TTN: variants seen among roughly 807,000 people sequenced by gnomAD.
TTN encodes the protein connectin.
Under a neutral mutation model 3,223.0 loss-of-function variants are expected in TTN, and 1,525 were observed. The ratio of observed to expected loss-of-function variants is 0.47; its 90% CI spans 0.45 to 0.49. The LOEUF (loss-of-function observed/expected upper bound fraction) is 0.49. Ranked by LOEUF, TTN falls within the 20% of genes least tolerant of loss-of-function variation. The pLI is 0.00. For synonymous variants in TTN, 14,094 were observed against 15,161.0 expected (o/e 0.93, Z 5.17); for missense variants, 40,786 against 43,424.0 (o/e 0.94, Z 5.40).
intron 47 of TTN, chr2:178,745,604 GC>G: frequency 6.2e-7 from 1 of 1,612,600 alleles, no homozygotes; most frequent in Non-Finnish European, 8.5e-7. Context: ...GGTGAGTGCT[GC>G]AAAGCTCTCA....
chr2:178,575,510 A>G lies in TTN; in HGVS notation c.70622T>C (p.Ile23541Thr). 1 of 1,613,616 alleles carries G rather than the reference A, an allele frequency of 6.2e-7. No homozygotes were observed. The highest frequency in any genetic ancestry group is 8.5e-7 in the Non-Finnish European group (1 of 1,179,674). The change falls in exon 326 of 363, where the codon ATC becomes ACC. Residue 23541 changes from isoleucine (I) to threonine (T), a missense_variant. By Grantham distance (89) the Ile-to-Thr change is moderately conservative. Transcript: ENST00000589042. This position sits in a 1 kb window ranked among gnomAD's most constrained non-coding sequence, Gnocchi z 4.0. ...EAPSPPDSLNIMDITKSTVSL... is the reference protein window; with the variant it reads ...EAPSPPDSLNTMDITKSTVSL... ...GACGGTGCTCTTAGTTATGTCCATGATGTTAAGGCTGTCTGGTGGAGATGG... is the reference window on the plus strand; with the variant it reads ...GACGGTGCTCTTAGTTATGTCCATGGTGTTAAGGCTGTCTGGTGGAGATGG...
Position 178,725,879 on chromosome 2 carries a change from G to A in TTN, c.20443C>T (p.His6815Tyr). 6.2e-7 allele frequency: 1 copy of A among 1,613,172 alleles called. No individual in the cohort carries two copies. Residue 6815 changes from histidine to tyrosine, a missense_variant, in exon 70 of 363, where the codon CAC becomes TAC. Coordinates refer to ENST00000589042, the MANE Select transcript of TTN (RefSeq NM_001267550.2). ...KKYKIASKNF[H>Y]TSIHILNVDT... is the part of the protein sequence containing the mutation. ...ACATTGAGAATGTGAATACTTGTGT[G>A]GAAGTTTTTGGATGCAATCTTGTAT...
chr2:178,715,483 G>A lies in TTN; in HGVS notation c.25921+10C>T, dbSNP rs10183237. ...AATGTGAAAAACACACAGGTGGGGAGAGCGCTGACCTTTAACTTTTAAGGA... is the reference window on the plus strand; with the variant it reads ...AATGTGAAAAACACACAGGTGGGGAAAGCGCTGACCTTTAACTTTTAAGGA... On this transcript the variant is annotated intron_variant, in intron 89 of 362. Transcript: ENST00000589042. 0.047 allele frequency: 75,385 copies of A among 1,604,038 alleles called. 3,868 individuals carry two copies. Among genetic ancestry groups the A allele is most frequent in the Admixed American group, 0.18 (10,491 of 59,526 alleles).
At position 178,599,751 on chromosome 2, in the gene TTN, G is replaced by A. The variant is rs794729460; in HGVS notation, c.56150C>T (p.Thr18717Ile). The A allele has an allele frequency of 1.9e-6, 3 of 1,612,674 alleles. No individual in the cohort carries two copies. Among genetic ancestry groups the A allele is most frequent in the African/African-American group, 2.7e-5 (2 of 74,956 alleles). ...KIKGVPFPTL[T>I]WFKAPPKKPD... ...CTTCTTTGGAGGAGCTTTAAACCAG[G>A]TTAGTGTCGGGAATGGCACACCTTT... Residue 18717 changes from threonine (T) to isoleucine (I), a missense_variant, in exon 289 of 363, where the codon ACC becomes ATC. By Grantham distance (89) the Thr-to-Ile change is moderately conservative. Coordinates refer to ENST00000589042, the MANE Select transcript of TTN (RefSeq NM_001267550.2).
At chr2:178,743,439 C>A (rs1050927087) in intron 47 of TTN, among the ~76,000 whole-genome samples, 1 of 151,864 alleles carries the variant, frequency 6.6e-6, no homozygotes, top group Non-Finnish European at 1.5e-5. Flanking sequence ...CCAAGGCTTA[C>A]TTTTCTTTAT....
intron 15 of TTN, 141 bp downstream of exon 15, chr2:178,785,479 G>T: frequency 2.4e-6 from 3 of 1,247,308 alleles, no homozygotes; most frequent in Non-Finnish European, 3.4e-6. Flanking sequence ...GGGTGTCTGG[G>T]CCCACTGTGA....
chr2:178,785,009 C>A (rs2093063321), intron 15 of TTN, among the ~76,000 whole-genome samples: 1 of 152,140 alleles, frequency 6.6e-6, no homozygotes, highest in African/African-American at 2.4e-5. Context: ...GGATTTATTA[C>A]ATGCTGACAA....
chr2:178,690,197 A>T (rs1020218225), intron 121 of TTN, among the ~76,000 whole-genome samples: 3 of 152,216 alleles, frequency 2.0e-5, no homozygotes, highest in African/African-American at 4.8e-5. Context: ...TGACACAAAC[A>T]ATCAAGAATG....
At chr2:178,624,788 T>A in intron 241 of TTN, 57 bp from the exon 242 acceptor site, 1 of 1,592,006 alleles carries the variant, frequency 6.3e-7, no homozygotes, top group Non-Finnish European at 8.5e-7. Context: ...AGAGTTTTGG[T>A]ACCTTCTCAA....
Position 178,731,324 on chromosome 2 carries a change from A to G in TTN, c.17442T>C (p.Ser5814=), listed in dbSNP as rs770532942. Residue 5814 remains serine, a synonymous_variant, in exon 59 of 363, where the codon TCT becomes TCC. Coordinates refer to ENST00000589042, the MANE Select transcript of TTN (RefSeq NM_001267550.2). ...AKNDAGIQRC[S]ALLSVKEPAT... ...ACCAACCTTTTACTGAGAGTAATGC[A>G]GAACATCTTTGTATTCCTGCATCAT... 32 of 1,613,702 alleles carry G rather than the reference A, an allele frequency of 2.0e-5. No individual in the cohort carries two copies. Among genetic ancestry groups the G allele is most frequent in the South Asian group, 1.9e-4 (17 of 91,078 alleles).
At chr2:178,727,554 A>T (rs780635567) in intron 68 of TTN, 31 bp downstream of exon 68, 1 of 1,534,066 alleles carries the variant, frequency 6.5e-7, no homozygotes, top group Admixed American at 2.1e-5. Context: ...ACACAGTCAG[A>T]CAGAAACATA....
Position 178,575,598 on chromosome 2 carries a change from C to T in TTN, c.70534G>A (p.Glu23512Lys), listed in dbSNP as rs752696466. ...GCEYFFRVMAENEYGIGEPTE... is the reference protein window; with the variant it reads ...GCEYFFRVMAKNEYGIGEPTE... ...GGCTCACCAATTCCATATTCATTCTCTGCCATCACTCTGAAGAAATATTCA... is the reference window on the plus strand; with the variant it reads ...GGCTCACCAATTCCATATTCATTCTTTGCCATCACTCTGAAGAAATATTCA... Residue 23512 changes from glutamate (E) to lysine (K), a missense_variant, in exon 326 of 363, where the codon GAG becomes AAG. Physicochemically the swap from Glu to Lys is moderately conservative, Grantham distance 56. Coordinates refer to ENST00000589042, the MANE Select transcript of TTN (RefSeq NM_001267550.2). The surrounding 1 kb of genome is among the most constrained non-coding windows in gnomAD (Gnocchi z 4.0). The T allele has an allele frequency of 6.2e-7, 1 of 1,613,678 alleles. No individual in the cohort carries two copies. Among genetic ancestry groups the T allele is most frequent in the South Asian group, 1.1e-5 (1 of 91,072 alleles).
At chr2:178,651,617 C>A (rs747408961) in intron 206 of TTN, 49 bp downstream of exon 206, 1 of 1,612,012 alleles carries the variant, frequency 6.2e-7, no homozygotes, top group East Asian at 2.2e-5. Context: ...TAGAATATGA[C>A]ACTTCAAAGA....
At chr2:178,642,215 G>T in intron 219 of TTN, 22 bp downstream of exon 219, 1 of 1,556,388 alleles carries the variant, frequency 6.4e-7, no homozygotes, top group Non-Finnish European at 8.7e-7. Flanking sequence ...AACGCTGACA[G>T]AATGGTTGAA....
Position 178,535,052 on chromosome 2 carries a change from T to C in TTN, c.101563A>G (p.Thr33855Ala). ...YMAKFVKVKG[T>A]DQVLVKKEIS... ...TCCTTCTTTACCAAAACCTGATCAG[T>C]CCCTTTGACTTTAACAAATTTGGCC... Residue 33855 changes from threonine (T) to alanine (A), a missense_variant, in exon 358 of 363, where the codon ACT becomes GCT. Transcript: ENST00000589042. 1 of 1,613,830 alleles carries C rather than the reference T, an allele frequency of 6.2e-7. No individual in the cohort carries two copies. The highest frequency in any genetic ancestry group is 8.5e-7 in the Non-Finnish European group (1 of 1,179,808).
intron 259 of TTN, 138 bp downstream of exon 259, chr2:178,615,169 C>T (rs921479019): frequency 8.9e-7 from 1 of 1,119,496 alleles, no homozygotes; most frequent in African/African-American, 1.6e-5. Context: ...CATTCAGCAG[C>T]ACCTTTAAAA....
At position 178,632,232 on chromosome 2, in the gene TTN, T is replaced by A. The variant is rs1218620496; in HGVS notation, c.43662A>T (p.Thr14554=). 2 of 1,607,606 alleles carry A rather than the reference T, an allele frequency of 1.2e-6. No individual in the cohort carries two copies. The highest frequency in any genetic ancestry group is 1.7e-6 in the Non-Finnish European group (2 of 1,176,764). The change falls in exon 236 of 363, where the codon ACA becomes ACT. Residue 14554 remains threonine, a synonymous_variant. Coordinates refer to ENST00000589042, the MANE Select transcript of TTN (RefSeq NM_001267550.2). ...MQDEGKTHSI[T]FKDLSIDDTS... ...TGTCATCAATAGACAGGTCTTTGAA[T>A]GTGATCGAATGAGTTTTCCCTTCGT... is the stretch of plus-strand genomic sequence containing the variant.
chr2:178,579,502 CAA>C (rs539290116), intron 319 of TTN, 57 bp downstream of exon 319: 24 of 1,596,570 alleles, frequency 1.5e-5, no homozygotes, highest in Non-Finnish European at 2.0e-5. Flanking sequence ...GAGTGGGACA[CAA>C]GAGTGCACTT....
In TTN at chr2:178,569,655, C is replaced by T. The variant is rs1707415905; in HGVS notation, c.76477G>A (p.Ala25493Thr). 1 of 1,612,362 alleles carries T rather than the reference C, an allele frequency of 6.2e-7. No homozygotes were observed. The highest frequency in any genetic ancestry group is 1.3e-5 in the African/African-American group (1 of 74,996). The change falls in exon 326 of 363, where the codon GCT becomes ACT. Residue 25493 changes from alanine to threonine, a missense_variant. Coordinates refer to ENST00000589042, the MANE Select transcript of TTN (RefSeq NM_001267550.2). ...ACTATAATAGGTCCAGGGACGTCAG[C>T]ATGTTCTCCAACTCCAGCTTTATTA... Reference protein sequence around the residue: ...AINKAGVGEHADVPGPIIVEE... With the variant: ...AINKAGVGEHTDVPGPIIVEE...
Sources: allele counts gnomAD v4.1 joint callset (sites outside exome capture counted in the v4.1 genomes callset), GRCh38; gene constraint gnomAD v4.1.1; non-coding constraint Gnocchi (gnomAD v3.1); transcripts MANE v1.5; gene names NCBI Gene and HGNC (gene_info 2026-07-23, HGNC 2026-07-21).